The following DOK6 variants were observed in gnomAD, a reference collection of about 807,000 sequenced individuals.
The protein encoded by DOK6 is downstream of tyrosine kinase 6.
DOK6 carries 22 observed loss-of-function variants against 44.0 expected under a neutral mutation model. That is an observed-to-expected ratio of 0.50 (90% CI 0.36 to 0.71). DOK6 has a LOEUF of 0.71. Among genes scored for constraint, DOK6 ranks in the 30% least tolerant of loss-of-function variants. The pLI, the probability that DOK6 is intolerant of heterozygous loss-of-function variation, is 0.00. For missense variants in DOK6, 340 were observed against 416.4 expected, an observed-to-expected ratio of 0.82 and a Z score of 1.60; for synonymous variants, 166 against 145.5, an observed-to-expected ratio of 1.14 and a Z score of -1.01.
intron 1 of DOK6, among the ~76,000 whole-genome samples, chr18:69,528,199 AG>A (rs1177843804): frequency 2.6e-5 from 4 of 151,472 alleles, no homozygotes; most frequent in Non-Finnish European, 5.9e-5. Flanking sequence ...TTACAGATGC[AG>A]AAACTAAGAT....
chr18:69,744,044 G>A (rs1235736144), intron 6 of DOK6, among the ~76,000 whole-genome samples: 2 of 152,132 alleles, frequency 1.3e-5, no homozygotes, highest in African/African-American at 2.4e-5. Flanking sequence ...CCTAAGCTCT[G>A]GTGGACAGAA....
At chr18:69,471,250 CAAAAAA>C (rs71176969) in intron 1 of DOK6, among the ~76,000 whole-genome samples, 41 of 27,776 alleles carry the variant, frequency 1.5e-3, no homozygotes, top group Admixed American at 4.1e-3. Context: ...AACTCCATCT[CAAAAAA>C]AAAAAAAAAA....
At chr18:69,546,420 C>T (rs538881892) in intron 1 of DOK6, among the ~76,000 whole-genome samples, 3 of 151,692 alleles carry the variant, frequency 2.0e-5, no homozygotes, top group African/African-American at 7.2e-5. Flanking sequence ...CTCTCACTTT[C>T]TACCTCTGCT....
intron 5 of DOK6, among the ~76,000 whole-genome samples, chr18:69,724,445 T>C (rs1978296367): frequency 6.6e-6 from 1 of 152,214 alleles, no homozygotes; most frequent in Admixed American, 6.5e-5. Context: ...ATTGCTTTGA[T>C]CCATGATAGG....
At chr18:69,512,706 ATCCTGAGTATTAGCCCT>A (rs1315916203) in intron 1 of DOK6, among the ~76,000 whole-genome samples, 1 of 152,120 alleles carries the variant, frequency 6.6e-6, no homozygotes, top group Non-Finnish European at 1.5e-5. Context: ...GGGGGAAGGA[ATCCTGAGTATTAGCCCT>A]TCCTACAGTA....
At chr18:69,473,302 G>A (rs1599147662) in intron 1 of DOK6, among the ~76,000 whole-genome samples, 1 of 152,068 alleles carries the variant, frequency 6.6e-6, no homozygotes, top group East Asian at 1.9e-4. Flanking sequence ...ACAAATAAAA[G>A]TTGTTTGCGT....
intron 4 of DOK6, among the ~76,000 whole-genome samples, chr18:69,692,522 T>A (rs1360399880): frequency 2.0e-5 from 3 of 152,262 alleles, no homozygotes; most frequent in African/African-American, 7.2e-5. Context: ...TGAAACAAAT[T>A]TGAAGCCTCC....
chr18:69,407,409 G>A (rs1215351451), intron 1 of DOK6, among the ~76,000 whole-genome samples: 20 of 152,134 alleles, frequency 1.3e-4, no homozygotes, highest in Admixed American at 1.2e-3. Flanking sequence ...AATTAAAAGG[G>A]AGCATACTAT....
At chr18:69,648,646 T>C (rs958051139) in intron 3 of DOK6, among the ~76,000 whole-genome samples, 1 of 152,188 alleles carries the variant, frequency 6.6e-6, no homozygotes, top group Admixed American at 6.5e-5. Context: ...GTCTGTTAAT[T>C]GATAGGTAGA....
At chr18:69,774,388 C>A (rs1039634739) in intron 7 of DOK6, among the ~76,000 whole-genome samples, 3 of 151,442 alleles carry the variant, frequency 2.0e-5, no homozygotes, top group African/African-American at 7.3e-5. Context: ...GGATAAAGGA[C>A]TACAAATTGG....
At position 69,427,635 on chromosome 18, in the gene DOK6, A is replaced by G. The variant is rs938804881; in HGVS notation, c.66+26325A>G. On this transcript the variant is annotated intron_variant, in intron 1 of 7. Transcript: ENST00000382713. ...TGCCCGAAGGAATACAACTCATTCT[A>G]TCTTAAAGACACATGCACACATATG... is the stretch of plus-strand genomic sequence containing the variant. Among the ~76,000 whole-genome samples, 4 of 152,228 alleles carry G rather than the reference A, an allele frequency of 2.6e-5. No individual in the cohort carries two copies. The South Asian group carries it at 6.2e-4, about 24-fold the overall frequency.
chr18:69,736,073 T>TA (rs1352986097), intron 5 of DOK6, among the ~76,000 whole-genome samples: 1 of 152,222 alleles, frequency 6.6e-6, no homozygotes, highest in East Asian at 1.9e-4. Flanking sequence ...TGGTAGCACA[T>TA]ATCACAGTAA....
At chr18:69,685,156 T>C (rs535869265) in intron 4 of DOK6, among the ~76,000 whole-genome samples, 39 of 152,252 alleles carry the variant, frequency 2.6e-4, no homozygotes, top group African/African-American at 9.1e-4. Flanking sequence ...AAAGAAACAA[T>C]ATAATCTTTC....
intron 2 of DOK6, among the ~76,000 whole-genome samples, chr18:69,579,649 C>T (rs1983318460): frequency 6.6e-6 from 1 of 152,060 alleles, no homozygotes; most frequent in Admixed American, 6.5e-5. Context: ...CTGCAACCTC[C>T]AGCTCCCTCG....
At chr18:69,765,674 A>G (rs1979692836) in intron 7 of DOK6, among the ~76,000 whole-genome samples, 1 of 152,174 alleles carries the variant, frequency 6.6e-6, no homozygotes, top group African/African-American at 2.4e-5. Context: ...TTGGGGCTCA[A>G]TTATCTTGAA....
chr18:69,674,320 T>C (rs908623449), intron 3 of DOK6, among the ~76,000 whole-genome samples: 1 of 152,196 alleles, frequency 6.6e-6, no homozygotes, highest in Non-Finnish European at 1.5e-5. Context: ...AGGTTAATAC[T>C]TTTGAGGTGA....
intron 1 of DOK6, among the ~76,000 whole-genome samples, chr18:69,506,321 G>T (rs571025243): frequency 1.9e-3 from 286 of 152,102 alleles, no homozygotes; most frequent in African/African-American, 6.3e-3. Context: ...TTAGAAATGG[G>T]CATGGTTATT....
At chr18:69,709,925 C>T (rs1211080866) in intron 5 of DOK6, among the ~76,000 whole-genome samples, 1 of 152,146 alleles carries the variant, frequency 6.6e-6, no homozygotes, top group Non-Finnish European at 1.5e-5. Flanking sequence ...GCCTACATTC[C>T]CAGCACTTTC....
At chr18:69,648,661 C>T (rs1048610747) in intron 3 of DOK6, among the ~76,000 whole-genome samples, 4 of 152,132 alleles carry the variant, frequency 2.6e-5, no homozygotes, top group Non-Finnish European at 5.9e-5. Flanking sequence ...GGTAGAACAT[C>T]ATTGCCCTGG....
Sources: gnomAD v4.1 joint callset for allele counts (sites outside exome capture counted in the v4.1 genomes callset) on GRCh38, gnomAD v4.1.1 for gene constraint, MANE v1.5 for transcripts, NCBI Gene and HGNC (gene_info 2026-07-23, HGNC 2026-07-21) for gene names.